The following FHOD3 variants were observed in gnomAD, a reference collection of about 807,000 sequenced individuals.
FHOD3 encodes formin homology 2 domain containing 3.
In FHOD3, 90 loss-of-function variants were observed where a neutral mutation model predicts 173.0. The ratio of observed to expected loss-of-function variants is 0.52; its 90% CI spans 0.44 to 0.62. The LOEUF is 0.62. Among genes scored for constraint, FHOD3 ranks in the 20% least tolerant of loss-of-function variants. The pLI, the probability that FHOD3 is intolerant of heterozygous loss-of-function variation, is 0.00. For synonymous variants in FHOD3, 828 were observed against 823.0 expected (o/e 1.01, Z -0.10); for missense variants, 1,945 against 2,034.7 (o/e 0.96, Z 0.85).
intron 9 of FHOD3, among the ~76,000 whole-genome samples, chr18:36,616,751 C>G (rs775463122): frequency 1.3e-5 from 2 of 152,190 alleles, no homozygotes; most frequent in African/African-American, 4.8e-5. Context: ...AATAATTTAA[C>G]CTGAAAACCA....
intron 5 of FHOD3, among the ~76,000 whole-genome samples, chr18:36,572,047 G>A (rs2058471150): frequency 6.6e-6 from 1 of 152,140 alleles, no homozygotes; most frequent in Non-Finnish European, 1.5e-5. Context: ...TTCATTGGAG[G>A]CACTGTTCTA....
At position 36,658,268 on chromosome 18, in the gene FHOD3, AAT is replaced by A. The variant is rs558615724; in HGVS notation, c.1835+84_1835+85del. The A allele has an allele frequency of 1.7e-3, 1,543 of 916,602 alleles. 4 individuals are homozygous for A. Among genetic ancestry groups the A allele is most frequent in the Non-Finnish European group, 2.2e-3 (1,348 of 603,448 alleles). The allele number at this position is 916,602 out of a possible 1,614,324, so 56.8% of individuals were successfully genotyped here. On this transcript the variant is annotated intron_variant, in intron 14 of 28. Transcript: ENST00000590592. ...TTTGGTTAAGTGTGGTTAAAGGAAA[AAT>A]ATAAATAAAAGACATAACATGAAGT...
chr18:36,630,372 C>CT lies in FHOD3; in HGVS notation c.1196+4631dup, dbSNP rs113753059. Among the ~76,000 whole-genome samples, 101 of 151,990 alleles carry CT rather than the reference C, an allele frequency of 6.6e-4. 1 individual carries two copies. The East Asian group carries it at 0.013, about 20-fold the overall frequency. On this transcript the variant is annotated intron_variant, in intron 10 of 28. Transcript: ENST00000590592. ...GCTACTACATGGTTTACAGTAGAGT[C>CT]TTTTTTTTGATTTTAAGTCCGTTTA...
intron 3 of FHOD3, among the ~76,000 whole-genome samples, chr18:36,452,115 T>C (rs1354355611): frequency 6.6e-6 from 1 of 152,162 alleles, no homozygotes; most frequent in Non-Finnish European, 1.5e-5. Flanking sequence ...CGCAGCTCAT[T>C]GTCATCACGA....
intron 5 of FHOD3, among the ~76,000 whole-genome samples, chr18:36,572,478 G>A (rs554042915): frequency 1.3e-5 from 2 of 152,246 alleles, no homozygotes; most frequent in South Asian, 2.1e-4. Context: ...TGCTTTAGTA[G>A]TAGTGGGTAG....
chr18:36,330,295 T>G (rs2044920584), intron 1 of FHOD3, among the ~76,000 whole-genome samples: 1 of 152,152 alleles, frequency 6.6e-6, no homozygotes, highest in Non-Finnish European at 1.5e-5. Flanking sequence ...ACAAAGCATC[T>G]GAGAGAAAAG....
intron 3 of FHOD3, among the ~76,000 whole-genome samples, chr18:36,484,089 C>A (rs1047361228): frequency 4.3e-4 from 66 of 152,280 alleles, no homozygotes; most frequent in Admixed American, 2.0e-4. Context: ...AAGTGTGAGA[C>A]GATTAAAGAT....
chr18:36,372,819 T>C, intron 3 of FHOD3, 75 bp downstream of exon 3: 1 of 1,276,046 alleles, frequency 7.8e-7, no homozygotes, highest in South Asian at 1.3e-5. Context: ...AAAGATTCAC[T>C]GTTATGCTGT....
At chr18:36,490,594 T>C (rs2054417360) in intron 3 of FHOD3, among the ~76,000 whole-genome samples, 1 of 152,212 alleles carries the variant, frequency 6.6e-6, no homozygotes, top group Non-Finnish European at 1.5e-5. Context: ...GAAGGCCATT[T>C]GCCTCCTGCA....
chr18:36,331,256 G>C (rs1013860288), intron 1 of FHOD3, among the ~76,000 whole-genome samples: 1 of 152,322 alleles, frequency 6.6e-6, no homozygotes, highest in East Asian at 1.9e-4. Context: ...ATTCAAGAGG[G>C]GGGTTTTAGT....
chr18:36,751,703 GA>G (rs879298568), intron 24 of FHOD3, among the ~76,000 whole-genome samples: 3 of 152,142 alleles, frequency 2.0e-5, no homozygotes, highest in African/African-American at 4.8e-5. Flanking sequence ...GAATTTTATT[GA>G]AAGCCTTTTC....
Position 36,779,659 on chromosome 18 carries a change from C to T in FHOD3, c.*129C>T. ...GTTTGAAAAGGGAGAGCTCAATTCC[C>T]AGCGTCACCCCATGGCTTGTGTTGC... On this transcript the variant is annotated 3_prime_UTR_variant, in exon 29 of 29. Coordinates refer to ENST00000590592, the MANE Select transcript of FHOD3 (RefSeq NM_001281740.3). The T allele has an allele frequency of 1.3e-6, 1 of 771,994 alleles. No homozygotes were observed. The highest frequency in any genetic ancestry group is 1.6e-5 in the South Asian group (1 of 60,776). The allele number at this position is 771,994 out of a possible 1,614,324, so 47.8% of individuals were successfully genotyped here.
At chr18:36,713,456 A>G (rs1463085342) in intron 18 of FHOD3, among the ~76,000 whole-genome samples, 1 of 152,246 alleles carries the variant, frequency 6.6e-6, no homozygotes, top group African/African-American at 2.4e-5. Context: ...CAAAAACCAG[A>G]AGAAACAATG....
intron 3 of FHOD3, among the ~76,000 whole-genome samples, chr18:36,499,203 A>G (rs1460517339): frequency 3.3e-5 from 5 of 152,192 alleles, no homozygotes; most frequent in Non-Finnish European, 5.9e-5. Context: ...TCCCAGGTTC[A>G]CGAGATTCTT....
intron 3 of FHOD3, among the ~76,000 whole-genome samples, chr18:36,489,807 C>G (rs950085458): frequency 6.6e-6 from 1 of 151,930 alleles, no homozygotes; most frequent in African/African-American, 2.4e-5. Context: ...AAGAAAATAC[C>G]TTAAGGTTCT....
chr18:36,417,473 T>C (rs922111000), intron 3 of FHOD3, among the ~76,000 whole-genome samples: 1 of 152,234 alleles, frequency 6.6e-6, no homozygotes, highest in Non-Finnish European at 1.5e-5. Context: ...CTATCATTCA[T>C]GGGCATTTAG....
Position 36,742,345 on chromosome 18 carries a change from C to T in FHOD3, c.3760-392C>T, listed in dbSNP as rs1042116087. Among the ~76,000 whole-genome samples, 14 of 152,098 alleles carry T rather than the reference C, an allele frequency of 9.2e-5. No individual in the cohort carries two copies. The East Asian group carries it at 2.3e-3, about 25-fold the overall frequency. Reference sequence around the variant, plus strand: ...CCTGGGGCAGTTCAGGGACATCGAGCGCACAACTTTCATTGCCAATCTGCC... The same window carrying T: ...CCTGGGGCAGTTCAGGGACATCGAGTGCACAACTTTCATTGCCAATCTGCC... On this transcript the variant is annotated intron_variant, in intron 21 of 28. Transcript: ENST00000590592.
intron 3 of FHOD3, among the ~76,000 whole-genome samples, chr18:36,410,321 TGTA>T (rs1417279730): frequency 6.6e-6 from 1 of 152,246 alleles, no homozygotes; most frequent in Non-Finnish European, 1.5e-5. Flanking sequence ...TCATCCATGT[TGTA>T]GTATTCATTG....
At position 36,718,094 on chromosome 18, in the gene FHOD3, C is replaced by T. The variant is rs373600666; in HGVS notation, c.2796C>T (p.Asp932=). The change falls in exon 19 of 29, where the codon GAC becomes GAT. Residue 932 remains aspartate, a synonymous_variant. Coordinates refer to ENST00000590592, the MANE Select transcript of FHOD3 (RefSeq NM_001281740.3). ...SVRRVDVGCL[D]NRGSVKAFAE... is the part of the protein sequence containing the mutation. ...GGAGGGTGGATGTCGGCTGTTTGGACAATCGGGGCAGTGTGAAAGCATTTG... is the reference window on the plus strand; with the variant it reads ...GGAGGGTGGATGTCGGCTGTTTGGATAATCGGGGCAGTGTGAAAGCATTTG... The T allele has an allele frequency of 1.9e-6, 3 of 1,598,548 alleles. No homozygotes were observed. The highest frequency in any genetic ancestry group is 1.3e-5 in the African/African-American group (1 of 74,754).
Sources: gnomAD v4.1 joint callset for allele counts (sites outside exome capture counted in the v4.1 genomes callset) on GRCh38, gnomAD v4.1.1 for gene constraint, MANE v1.5 for transcripts, NCBI Gene and HGNC (gene_info 2026-07-23, HGNC 2026-07-21) for gene names.